DOCK4: variants seen among roughly 807,000 people sequenced by gnomAD.
The protein encoded by DOCK4 is dedicator of cytokinesis protein 4.
Under a neutral mutation model 268.1 loss-of-function variants are expected in DOCK4, and 97 were observed. That is an observed-to-expected ratio of 0.36 (90% CI 0.31 to 0.43). The LOEUF (loss-of-function observed/expected upper bound fraction) is 0.43, where lower values mean the gene tolerates loss of function less well. DOCK4 is among the 20% of genes least tolerant of loss of function. The pLI is 1.00. For synonymous variants in DOCK4, 954 were observed against 887.2 expected, an observed-to-expected ratio of 1.08 and a Z score of -1.34; for missense variants, 2,145 against 2,455.7, an observed-to-expected ratio of 0.87 and a Z score of 2.67.
intron 1 of DOCK4, among the ~76,000 whole-genome samples, chr7:112,032,058 A>T (rs1189681734): frequency 1.3e-5 from 2 of 152,200 alleles, no homozygotes; most frequent in Non-Finnish European, 2.9e-5. Context: ...TGTCTGTGGA[A>T]CAAAATTCCC....
At chr7:111,822,196 A>T (rs2133966947) in intron 27 of DOCK4, among the ~76,000 whole-genome samples, 166 bp downstream of exon 27, 1 of 152,324 alleles carries the variant, frequency 6.6e-6, no homozygotes, top group Non-Finnish European at 1.5e-5. Flanking sequence ...ATGTTAATAT[A>T]TACAAAGGAA....
chr7:111,977,114 A>T lies in DOCK4; in HGVS notation c.701+18T>A. 6.2e-7 allele frequency: 1 copy of T among 1,612,480 alleles called. No homozygotes were observed. The highest frequency in any genetic ancestry group is 8.5e-7 in the Non-Finnish European group (1 of 1,179,288). On this transcript the variant is annotated intron_variant, in intron 8 of 52. Coordinates refer to ENST00000428084, the MANE Select transcript of DOCK4 (RefSeq NM_001363540.2). Reference sequence around the variant, plus strand: ...TCTAACATTAAGACATTGAAACCCTATCTCCACGTGCAGGTACCTGATTGG... The same window carrying T: ...TCTAACATTAAGACATTGAAACCCTTTCTCCACGTGCAGGTACCTGATTGG...
intron 1 of DOCK4, among the ~76,000 whole-genome samples, chr7:112,139,410 G>A (rs1814678357): frequency 1.3e-5 from 2 of 152,128 alleles, no homozygotes; most frequent in African/African-American, 4.8e-5. Context: ...CCCAACAGAA[G>A]GCACTCCCAC....
intron 1 of DOCK4, among the ~76,000 whole-genome samples, chr7:112,132,678 C>A (rs1813919284): frequency 6.6e-6 from 1 of 152,024 alleles, no homozygotes; most frequent in South Asian, 2.1e-4. Context: ...CACCTCCATT[C>A]AATATCCTTG....
intron 1 of DOCK4, among the ~76,000 whole-genome samples, chr7:112,069,738 C>T (rs148454774): frequency 1.4e-3 from 210 of 151,968 alleles, no homozygotes; most frequent in African/African-American, 4.4e-3. Context: ...CCCAACTCAG[C>T]GGTAGAAAAT....
intron 1 of DOCK4, among the ~76,000 whole-genome samples, chr7:112,175,642 T>C (rs1403233133): frequency 6.6e-6 from 1 of 152,192 alleles, no homozygotes; most frequent in Non-Finnish European, 1.5e-5. Context: ...ATTTGTTGTA[T>C]ACAATTGATA....
chr7:111,747,689 C>A (rs1409181369), intron 42 of DOCK4, among the ~76,000 whole-genome samples: 1 of 152,188 alleles, frequency 6.6e-6, no homozygotes, highest in Non-Finnish European at 1.5e-5. Flanking sequence ...ATCAATTCTA[C>A]ATTAGCACTG....
In DOCK4 at chr7:111,837,498, T is replaced by C. The variant is rs563477025; in HGVS notation, c.2737-2812A>G. Among the ~76,000 whole-genome samples, 2 of 152,272 alleles carry C rather than the reference T, an allele frequency of 1.3e-5. 1 individual carries two copies. Among genetic ancestry groups the C allele is most frequent in the South Asian group, 4.1e-4 (2 of 4,834 alleles). ...TTCACAGAAAGCGTAGCTGTGTATA[T>C]AGAAAAAGCTATGAAATTGATAAAG... On this transcript the variant is annotated intron_variant, in intron 25 of 52. Coordinates refer to ENST00000428084, the MANE Select transcript of DOCK4 (RefSeq NM_001363540.2).
At chr7:111,798,264 G>A (rs1029871986) in intron 30 of DOCK4, among the ~76,000 whole-genome samples, 3 of 152,258 alleles carry the variant, frequency 2.0e-5, no homozygotes, top group African/African-American at 7.2e-5. Context: ...AGATGGTCCA[G>A]CAGGACTGAT....
At chr7:112,112,882 T>C (rs1283183698) in intron 1 of DOCK4, among the ~76,000 whole-genome samples, 1 of 152,164 alleles carries the variant, frequency 6.6e-6, no homozygotes, top group Non-Finnish European at 1.5e-5. Context: ...GCATATTCTA[T>C]TCCAGTTTCT....
At chr7:112,013,839 G>C (rs1482229907) in intron 1 of DOCK4, among the ~76,000 whole-genome samples, 2 of 145,134 alleles carry the variant, frequency 1.4e-5, no homozygotes, top group East Asian at 3.9e-4. Flanking sequence ...CCATCCTCAA[G>C]GAAGGCTTAG....
chr7:111,947,397 T>C (rs981240755), intron 8 of DOCK4, among the ~76,000 whole-genome samples: 5 of 152,228 alleles, frequency 3.3e-5, no homozygotes, highest in Admixed American at 2.0e-4. Context: ...CTTATGTCTA[T>C]TGCTGACTTC....
intron 1 of DOCK4, among the ~76,000 whole-genome samples, chr7:112,146,392 G>T: frequency 6.6e-6 from 1 of 152,132 alleles, no homozygotes; most frequent in East Asian, 1.9e-4. Context: ...AAATAAAATA[G>T]AGGAATTTCA....
intron 12 of DOCK4, among the ~76,000 whole-genome samples, chr7:111,933,179 T>C (rs1408774691): frequency 2.8e-5 from 4 of 141,144 alleles, no homozygotes; most frequent in African/African-American, 1.0e-4. Context: ...TATATACACA[T>C]ATATACGTAT....
intron 15 of DOCK4, among the ~76,000 whole-genome samples, chr7:111,899,161 T>C (rs1329982609): frequency 3.9e-5 from 6 of 152,206 alleles, no homozygotes; most frequent in South Asian, 4.1e-4. Flanking sequence ...CACACAAGCA[T>C]AATGTATGAA....
chr7:111,739,256 GGA>G lies in DOCK4; in HGVS notation c.5123-15_5123-14del, dbSNP rs755049992. 11 of 1,609,890 alleles carry G rather than the reference GGA, an allele frequency of 6.8e-6. No homozygotes were observed. The highest frequency in any genetic ancestry group is 6.7e-5 in the Admixed American group (4 of 60,004). On this transcript the variant is annotated splice_polypyrimidine_tract_variant and intron_variant, in intron 48 of 52. Coordinates refer to ENST00000428084, the MANE Select transcript of DOCK4 (RefSeq NM_001363540.2). ...AACAAAGGAGAAGCTGGGAAGAGAAGGAGAGAGAGGATCATCAGCATGGTAGT... is the reference window on the plus strand; with the variant it reads ...AACAAAGGAGAAGCTGGGAAGAGAAGGAGAGAGGATCATCAGCATGGTAGT...
chr7:111,983,854 G>GCACACACACACACACACACA (rs57739762), intron 7 of DOCK4, among the ~76,000 whole-genome samples: 6 of 87,958 alleles, frequency 6.8e-5, no homozygotes, highest in East Asian at 2.6e-4. Context: ...ACGCGCGCGC[G>GCACACACACACACACACACA]CGCGCGCGCA....
In DOCK4 at chr7:112,160,836, T is replaced by C. The variant is rs547334892; in HGVS notation, c.37+45266A>G. Among the ~76,000 whole-genome samples, 5 of 152,336 alleles carry C rather than the reference T, an allele frequency of 3.3e-5. 1 individual carries two copies. The highest frequency in any genetic ancestry group is 1.2e-4 in the African/African-American group (5 of 41,574). On this transcript the variant is annotated intron_variant, in intron 1 of 52. Transcript: ENST00000428084. Reference sequence around the variant, plus strand: ...CTATCGCGGCATTCATCAGTTTACATTTCATCAGTTTTTCCTGAGAATGAA... The same window carrying C: ...CTATCGCGGCATTCATCAGTTTACACTTCATCAGTTTTTCCTGAGAATGAA...
At chr7:111,994,021 A>C in intron 5 of DOCK4, 114 bp downstream of exon 5, 2 of 578,332 alleles carry the variant, frequency 3.5e-6, no homozygotes, top group Non-Finnish European at 6.2e-6. Context: ...TATATCCCCA[A>C]GGAGTCCTGG....
Sources: allele counts gnomAD v4.1 joint callset (sites outside exome capture counted in the v4.1 genomes callset), GRCh38; gene constraint gnomAD v4.1.1; transcripts MANE v1.5; gene names NCBI Gene and HGNC (gene_info 2026-07-23, HGNC 2026-07-21).